The following ARHGEF6 variants were observed in gnomAD, a reference collection of about 807,000 sequenced individuals.
ARHGEF6 encodes the protein rho guanine nucleotide exchange factor 6.
A neutral mutation model predicts 70.3 loss-of-function variants in ARHGEF6; 9 were observed. That is an observed-to-expected ratio of 0.13 (90% confidence interval 0.08 to 0.22). The LOEUF (loss-of-function observed/expected upper bound fraction) is 0.22, where lower values mean the gene tolerates loss of function less well. Among genes scored for constraint, ARHGEF6 ranks in the 10% least tolerant of loss-of-function variants. The probability of loss-of-function intolerance (pLI) is 1.00; values close to 1 mark genes in which losing one functional copy is unlikely to be tolerated. For synonymous variants in ARHGEF6, 201 were observed against 207.8 expected, an observed-to-expected ratio of 0.97 and a Z score of 0.28; for missense variants, 470 against 563.0, an observed-to-expected ratio of 0.83 and a Z score of 1.67.
chrX:136,673,250 C>T, intron 19 of ARHGEF6, among the ~76,000 whole-genome samples: 1 of 111,775 alleles, frequency 8.9e-6, no homozygotes, highest in East Asian at 2.8e-4. Context: ...ATTTTGTTAT[C>T]TCTGGGGGTC....
intron 9 of ARHGEF6, among the ~76,000 whole-genome samples, chrX:136,696,898 A>C (rs1449727100): frequency 4.5e-5 from 5 of 110,428 alleles, no homozygotes; most frequent in African/African-American, 1.7e-4. Flanking sequence ...ACCAGGAGGG[A>C]CAGGTCATCA....
intron 20 of ARHGEF6, 125 bp from the exon 21 acceptor site, chrX:136,669,661 G>A (rs2076202247): frequency 1.8e-6 from 1 of 568,224 alleles, no homozygotes; most frequent in South Asian, 2.6e-5. Flanking sequence ...CTAGCTGATT[G>A]GGAATGGTAC....
At chrX:136,738,317 A>G (rs2077008132) in intron 5 of ARHGEF6, among the ~76,000 whole-genome samples, 1 of 111,417 alleles carries the variant, frequency 9.0e-6, no homozygotes, top group Admixed American at 9.5e-5. Context: ...AAAACAGTTC[A>G]TCATCTTCAG....
intron 18 of ARHGEF6, among the ~76,000 whole-genome samples, chrX:136,675,360 G>A (rs897002574): frequency 1.8e-5 from 2 of 109,032 alleles, no homozygotes; most frequent in African/African-American, 3.3e-5. Context: ...TGGGGGGGGC[G>A]GTGTTTTGTC....
chrX:136,769,476 G>A (rs180982687), intron 2 of ARHGEF6, among the ~76,000 whole-genome samples: 2 of 111,493 alleles, frequency 1.8e-5, no homozygotes, highest in Non-Finnish European at 1.9e-5. Context: ...GAGATGGTAG[G>A]GTGTCCCTGG....
At chrX:136,706,839 G>C (rs1481049820) in intron 9 of ARHGEF6, 69 bp downstream of exon 9, 1 of 1,177,133 alleles carries the variant, frequency 8.5e-7, no homozygotes, top group East Asian at 3.0e-5. Context: ...TGAAGACCTT[G>C]GATTTCCAAA....
intron 2 of ARHGEF6, among the ~76,000 whole-genome samples, chrX:136,777,405 G>C (rs1315565774): frequency 4.0e-5 from 4 of 101,071 alleles, no homozygotes; most frequent in African/African-American, 1.4e-4. Flanking sequence ...CCTCACTCCT[G>C]CAGAAATGGC....
intron 6 of ARHGEF6, among the ~76,000 whole-genome samples, chrX:136,727,446 ATTCT>A (rs1440208398): frequency 2.6e-5 from 1 of 39,100 alleles, no homozygotes; most frequent in African/African-American, 1.0e-4. Context: ...TCTTTCTTTC[ATTCT>A]TTCTTTCCTT....
At chrX:136,671,775 T>C (rs13440656) in intron 20 of ARHGEF6, among the ~76,000 whole-genome samples, 4,460 of 112,097 alleles carry the variant, frequency 0.04, 249 homozygotes, top group African/African-American at 0.14. Flanking sequence ...GGGAGCTGGC[T>C]GCAGGGGCAG....
chrX:136,693,755 T>C (rs1421598670), intron 9 of ARHGEF6, among the ~76,000 whole-genome samples: 1 of 112,034 alleles, frequency 8.9e-6, no homozygotes, highest in African/African-American at 3.2e-5. Context: ...CATATAGAAG[T>C]GCTTCTGTGG....
intron 6 of ARHGEF6, among the ~76,000 whole-genome samples, chrX:136,729,012 C>G (rs2076901060): frequency 1.4e-5 from 1 of 71,808 alleles, no homozygotes; most frequent in Non-Finnish European, 2.6e-5. Context: ...CTCTCTCTCT[C>G]TCTCTCTCTC....
intron 11 of ARHGEF6, among the ~76,000 whole-genome samples, chrX:136,686,356 A>G (rs1277603928): frequency 9.1e-6 from 1 of 109,811 alleles, no homozygotes; most frequent in African/African-American, 3.3e-5. Flanking sequence ...TAAATTCTTT[A>G]TGCCACAGTG....
At chrX:136,679,738 T>G in intron 15 of ARHGEF6, 78 bp from the exon 16 acceptor site, 1 of 1,134,157 alleles carries the variant, frequency 8.8e-7, no homozygotes, top group South Asian at 1.8e-5. Context: ...AGAACAACAA[T>G]AGCTTCATTG....
chrX:136,694,120 T>C (rs1469097632), intron 9 of ARHGEF6, among the ~76,000 whole-genome samples: 3 of 108,638 alleles, frequency 2.8e-5, no homozygotes, highest in African/African-American at 1.0e-4. Flanking sequence ...TGGTGCGATC[T>C]TGGCTCACTG....
chrX:136,708,787 G>A lies in ARHGEF6; in HGVS notation c.828-17C>T, dbSNP rs1299922990. 1.8e-6 allele frequency: 2 copies of A among 1,110,835 alleles called. No homozygotes were observed. The highest frequency in any genetic ancestry group is 2.5e-6 in the Non-Finnish European group (2 of 806,807). 91.5% of individuals were successfully genotyped at this position (1,110,835 alleles called of 1,213,427 possible). ...GTACTCAGACTGAAAAAAAAATACA[G>A]TACATGTAGTTATCTATTGTAGTCT... is the stretch of plus-strand genomic sequence containing the variant. On this transcript the variant is annotated splice_polypyrimidine_tract_variant and intron_variant, in intron 7 of 21. Transcript: ENST00000250617.
intron 2 of ARHGEF6, among the ~76,000 whole-genome samples, chrX:136,770,840 T>C (rs905125196): frequency 9.0e-6 from 1 of 111,153 alleles, no homozygotes; most frequent in African/African-American, 3.3e-5. Context: ...CTATAAAAAA[T>C]ACAAAAATTA....
intron 19 of ARHGEF6, 36 bp downstream of exon 19, chrX:136,674,971 G>A (rs749694794): frequency 4.4e-6 from 5 of 1,146,058 alleles, no homozygotes; most frequent in East Asian, 3.0e-5. Flanking sequence ...AGGAAGAAAC[G>A]TCACTCACTA....
chrX:136,700,678 C>A (rs1368647690), intron 9 of ARHGEF6, among the ~76,000 whole-genome samples: 1 of 111,972 alleles, frequency 8.9e-6, no homozygotes, highest in Non-Finnish European at 1.9e-5. Context: ...CAGTAAACAC[C>A]TAGTTACCTC....
intron 10 of ARHGEF6, among the ~76,000 whole-genome samples, chrX:136,688,315 A>T (rs768177190): frequency 2.7e-5 from 3 of 111,675 alleles, no homozygotes; most frequent in Non-Finnish European, 5.6e-5. Context: ...TGCATCATAT[A>T]TTTAGTAACA....
Sources: allele counts gnomAD v4.1 joint callset (sites outside exome capture counted in the v4.1 genomes callset), GRCh38; gene constraint gnomAD v4.1.1; transcripts MANE v1.5; gene names NCBI Gene and HGNC (gene_info 2026-07-23, HGNC 2026-07-21).